NPAS2: variants seen among roughly 807,000 people sequenced by gnomAD.
NPAS2 encodes the protein neuronal PAS domain-containing protein 2.
A neutral mutation model predicts 107.5 loss-of-function variants in NPAS2; 23 were observed. The observed-to-expected ratio is 0.21, with a 90% CI of 0.15 to 0.30. The LOEUF (loss-of-function observed/expected upper bound fraction) is 0.30, where lower values mean the gene tolerates loss of function less well. Among genes scored for constraint, NPAS2 ranks in the 10% least tolerant of loss-of-function variants. The pLI is 1.00. For missense variants in NPAS2, 756 were observed against 1,043.3 expected, an observed-to-expected ratio of 0.72 and a Z score of 3.79; for synonymous variants, 403 against 417.5, an observed-to-expected ratio of 0.97 and a Z score of 0.42.
rs1558884804 is a variant in NPAS2, at chr2:100,933,018, A to G, written c.273+17A>G. The G allele has an allele frequency of 6.3e-7, 1 of 1,576,786 alleles. No homozygotes were observed. The highest frequency in any genetic ancestry group is 1.1e-5 in the South Asian group (1 of 90,290). ...ATGTTGGAGGTGAAATGCACTTTCA[A>G]AATAGCTTAAACAGTTGCCAGTTAA... On this transcript the variant is annotated intron_variant, in intron 4 of 20. Transcript: ENST00000335681.
rs1676173001 is a variant in NPAS2 at position 100,965,736 on chromosome 2, C to T, written c.877C>T (p.Leu293=). The T allele has an allele frequency of 2.5e-6, 4 of 1,613,936 alleles. No homozygotes were observed. The South Asian group carries it at 3.3e-5, about 13-fold the overall frequency. Residue 293 remains leucine, a synonymous_variant, in exon 10 of 21, where the codon CTG becomes TTG. Coordinates refer to ENST00000335681, the MANE Select transcript of NPAS2 (RefSeq NM_002518.4). The surrounding 1 kb of genome is among the most constrained non-coding windows in gnomAD (Gnocchi z 4.3). Reference sequence around the variant, plus strand: ...CTATGACTACTACCACATTGATGACCTGGAGCTCCTGGCCAGGTGTCACCA... The same window carrying T: ...CTATGACTACTACCACATTGATGACTTGGAGCTCCTGGCCAGGTGTCACCA... ...SGYDYYHIDD[L]ELLARCHQHL...
At chr2:100,828,395 A>G (rs1676520832) in intron 1 of NPAS2, among the ~76,000 whole-genome samples, 1 of 152,096 alleles carries the variant, frequency 6.6e-6, no homozygotes, top group South Asian at 2.1e-4. Context: ...TTCTGTGCAG[A>G]AGCTCTTTAG....
At chr2:100,922,322 G>A (rs554396997) in intron 2 of NPAS2, among the ~76,000 whole-genome samples, 2 of 152,252 alleles carry the variant, frequency 1.3e-5, no homozygotes, top group Admixed American at 1.3e-4. Flanking sequence ...GCTCATGCCT[G>A]TAATCCCAGC....
intron 1 of NPAS2, among the ~76,000 whole-genome samples, chr2:100,843,091 T>C (rs1448687463): frequency 2.6e-5 from 4 of 151,912 alleles, no homozygotes; most frequent in Admixed American, 6.6e-5. Flanking sequence ...TGGTGGTGCA[T>C]GCCTGTAGTC....
chr2:100,833,292 A>C (rs547630727), intron 1 of NPAS2, among the ~76,000 whole-genome samples: 1 of 152,340 alleles, frequency 6.6e-6, no homozygotes, highest in South Asian at 2.1e-4. Flanking sequence ...TGAAAGGGAG[A>C]TATTGATACT....
chr2:100,888,114 T>C (rs562516587), intron 1 of NPAS2, among the ~76,000 whole-genome samples: 2 of 152,328 alleles, frequency 1.3e-5, no homozygotes, highest in African/African-American at 4.8e-5. Flanking sequence ...CTGCAACCCA[T>C]ATTCAGCCTC....
At chr2:100,842,331 C>T (rs1558798772) in intron 1 of NPAS2, among the ~76,000 whole-genome samples, 1 of 152,142 alleles carries the variant, frequency 6.6e-6, no homozygotes, top group Non-Finnish European at 1.5e-5. Flanking sequence ...GTTTCTCTCC[C>T]TTCTTTCTAC....
chr2:100,885,914 G>A (rs1680669780), intron 1 of NPAS2, among the ~76,000 whole-genome samples: 1 of 152,204 alleles, frequency 6.6e-6, no homozygotes, highest in Non-Finnish European at 1.5e-5. Context: ...GCCTGCCTCA[G>A]CCTCCCAAAG....
chr2:100,974,200 C>T (rs1485477219), intron 12 of NPAS2, among the ~76,000 whole-genome samples: 1 of 152,204 alleles, frequency 6.6e-6, no homozygotes, highest in Non-Finnish European at 1.5e-5. Flanking sequence ...GATGGAAAAA[C>T]GGTCCTTCGG....
At chr2:100,978,725 C>T (rs1040133860) in intron 15 of NPAS2, among the ~76,000 whole-genome samples, 3 of 152,172 alleles carry the variant, frequency 2.0e-5, no homozygotes, top group Non-Finnish European at 4.4e-5. Flanking sequence ...ACAGAGACGC[C>T]GCCGTGGCAG....
At chr2:100,977,222 C>T (rs1207617161) in intron 14 of NPAS2, 4 of 171,858 alleles carry the variant, frequency 2.3e-5, no homozygotes, top group Admixed American at 5.6e-5. Context: ...CCAGTCCTCA[C>T]TGCCTGGATG....
chr2:100,914,792 C>T (rs938206722), intron 2 of NPAS2, among the ~76,000 whole-genome samples: 8 of 152,170 alleles, frequency 5.3e-5, no homozygotes, highest in Admixed American at 3.9e-4. Context: ...TAGCCTACTC[C>T]GTCCTGTCCA....
chr2:100,834,901 G>T (rs181741223), intron 1 of NPAS2, among the ~76,000 whole-genome samples: 45 of 152,182 alleles, frequency 3.0e-4, no homozygotes, highest in African/African-American at 1.0e-3. Context: ...TTTTAGTAGA[G>T]ACCGGGTTTC....
chr2:100,873,305 TATACACACACAC>T (rs1252115935), intron 1 of NPAS2, among the ~76,000 whole-genome samples: 12 of 38,266 alleles, frequency 3.1e-4, no homozygotes, highest in Non-Finnish European at 4.1e-4. Context: ...TATATATATA[TATACACACACAC>T]ACACACACAC....
intron 1 of NPAS2, among the ~76,000 whole-genome samples, chr2:100,865,476 T>G (rs1331748956): frequency 6.6e-6 from 1 of 152,204 alleles, no homozygotes; most frequent in Non-Finnish European, 1.5e-5. Flanking sequence ...AGCTCACAAT[T>G]CACCTGGTTC....
intron 1 of NPAS2, among the ~76,000 whole-genome samples, chr2:100,834,170 T>C (rs1195114675): frequency 6.6e-6 from 1 of 152,106 alleles, no homozygotes; most frequent in Non-Finnish European, 1.5e-5. Context: ...CTGAAGAGGC[T>C]TCCTCACCTG....
intron 1 of NPAS2, among the ~76,000 whole-genome samples, chr2:100,889,977 A>G (rs1680946050): frequency 6.6e-6 from 1 of 152,098 alleles, no homozygotes; most frequent in Admixed American, 6.6e-5. Context: ...GGGGAGGGAT[A>G]TGTAGAGCAA....
chr2:100,819,090 G>A (rs1027966526), upstream of NPAS2, among the ~76,000 whole-genome samples: 2 of 151,710 alleles, frequency 1.3e-5, no homozygotes, highest in African/African-American at 4.8e-5. This position sits in a 1 kb window ranked among gnomAD's most constrained non-coding sequence, Gnocchi z 5.8. Flanking sequence ...CCTGTTTCTC[G>A]CGCGCGCCTC....
At chr2:100,821,860 A>G (rs2104300859) in intron 1 of NPAS2, among the ~76,000 whole-genome samples, 1 of 152,362 alleles carries the variant, frequency 6.6e-6, no homozygotes, top group African/African-American at 2.4e-5. Context: ...CTGCGCCACT[A>G]TTTTATAAAA....
Sources: gnomAD v4.1 joint callset for allele counts (sites outside exome capture counted in the v4.1 genomes callset) on GRCh38, gnomAD v4.1.1 for gene constraint, Gnocchi (gnomAD v3.1) non-coding constraint, MANE v1.5 for transcripts, NCBI Gene and HGNC (gene_info 2026-07-23, HGNC 2026-07-21) for gene names.